SYNDIG1L: variants seen among roughly 807,000 people sequenced by gnomAD.
The protein encoded by SYNDIG1L is synapse differentiation-inducing gene protein 1-like.
Under a neutral mutation model 20.1 loss-of-function variants are expected in SYNDIG1L, and 13 were observed. The observed-to-expected ratio is 0.65, with a 90% CI of 0.42 to 1.03. The LOEUF is 1.03. SYNDIG1L is among the 50% of genes least tolerant of loss of function. The pLI, the probability that SYNDIG1L is intolerant of heterozygous loss-of-function variation, is 0.00. For missense variants in SYNDIG1L, 294 were observed against 305.1 expected (o/e 0.96, Z 0.27); for synonymous variants, 128 against 129.3 (o/e 0.99, Z 0.07).
At chr14:74,461,181 C>T in the SYNDIG1L span, among the ~76,000 whole-genome samples, 1 of 150,812 alleles carries the variant, frequency 6.6e-6, no homozygotes, top group African/African-American at 2.4e-5. Flanking sequence ...CTTCTGATCT[C>T]AGGTGATCTG....
chr14:74,409,019 A>G (rs1257777595), intron 2 of SYNDIG1L, among the ~76,000 whole-genome samples: 4 of 151,880 alleles, frequency 2.6e-5, no homozygotes, highest in Non-Finnish European at 5.9e-5. Flanking sequence ...AGATCTCGAT[A>G]TCTGGTGATG....
chr14:74,440,724 T>C, the SYNDIG1L span, among the ~76,000 whole-genome samples: 4 of 151,912 alleles, frequency 2.6e-5, no homozygotes, highest in Admixed American at 6.6e-5. Flanking sequence ...TCTAAACATA[T>C]AGAATACCTC....
the SYNDIG1L span, chr14:74,476,664 A>C: frequency 7.6e-6 from 9 of 1,185,512 alleles, no homozygotes; most frequent in South Asian, 1.4e-5. Flanking sequence ...ACTCACCCAC[A>C]TTGCCCACCC....
chr14:74,423,204 G>A (rs997932659), intron 1 of SYNDIG1L, among the ~76,000 whole-genome samples: 13 of 152,078 alleles, frequency 8.5e-5, no homozygotes, highest in East Asian at 1.9e-4. Flanking sequence ...AGTTTTCCCC[G>A]GTCAGGAGAG....
At chr14:74,430,979 C>T (rs1387876766), upstream of SYNDIG1L, among the ~76,000 whole-genome samples, 1 of 152,120 alleles carries the variant, frequency 6.6e-6, no homozygotes, top group Non-Finnish European at 1.5e-5. Flanking sequence ...AAAAAATAGT[C>T]AGAGATCAAT....
the SYNDIG1L span, among the ~76,000 whole-genome samples, chr14:74,461,703 T>C: frequency 6.6e-6 from 1 of 151,842 alleles, no homozygotes; most frequent in Non-Finnish European, 1.5e-5. Context: ...CCTCATATCC[T>C]TATCTCAGTC....
At chr14:74,425,298 C>T (rs2086255857) in intron 1 of SYNDIG1L, among the ~76,000 whole-genome samples, 1 of 152,230 alleles carries the variant, frequency 6.6e-6, no homozygotes, top group Admixed American at 6.5e-5. Context: ...AGATGTGATG[C>T]AAATCCTGCC....
At position 74,426,033 on chromosome 14, in the gene SYNDIG1L, C is replaced by A. The variant is rs756272105; in HGVS notation, c.-179G>T. 32 of 152,438 alleles carry A rather than the reference C, an allele frequency of 2.1e-4. No homozygotes were observed. The highest frequency in any genetic ancestry group is 4.0e-4 in the Non-Finnish European group (27 of 67,814). The allele number at this position is 152,438 out of a possible 1,614,324, so 9.4% of individuals were successfully genotyped here. On this transcript the variant is annotated 5_prime_UTR_variant, in exon 1 of 4. Transcript: ENST00000331628. ...ACTCCCAGGAGGGCTCCCCTGCTCT[C>A]GTCCCCGCGTCCCTGAGCAGCCGCC...
intron 1 of SYNDIG1L, among the ~76,000 whole-genome samples, chr14:74,422,500 C>G (rs543699327): frequency 2.0e-4 from 30 of 152,006 alleles, no homozygotes; most frequent in African/African-American, 6.8e-4. Flanking sequence ...AGCTGGAAGC[C>G]CCTCTAGGAT....
chr14:74,437,511 A>G, the SYNDIG1L span, among the ~76,000 whole-genome samples: 1 of 152,210 alleles, frequency 6.6e-6, no homozygotes, highest in African/African-American at 2.4e-5. Flanking sequence ...ACAACACAGA[A>G]CATGCAAGAA....
intron 1 of SYNDIG1L, among the ~76,000 whole-genome samples, chr14:74,413,207 C>T (rs2086146429): frequency 6.6e-6 from 1 of 152,212 alleles, no homozygotes. Flanking sequence ...GCTGAGCCTC[C>T]GCAATCCCAG....
chr14:74,449,301 A>G, the SYNDIG1L span, among the ~76,000 whole-genome samples: 1 of 151,740 alleles, frequency 6.6e-6, no homozygotes, highest in South Asian at 2.1e-4. Flanking sequence ...AATAAAACAC[A>G]TCAAAAGTTG....
Position 74,407,349 on chromosome 14 carries a change from T to TGGGAGGAGC in SYNDIG1L, c.*185_*186insGCTCCTCCC. ...GGCGCCCCGGGCCCTGCTCTGGGGCTGGGAGCAGCGGGCAAGCAGAAGTGA... is the reference window on the plus strand; with the variant it reads ...GGCGCCCCGGGCCCTGCTCTGGGGCTGGGAGGAGCGGGAGCAGCGGGCAAGCAGAAGTGA... On this transcript the variant is annotated 3_prime_UTR_variant, in exon 4 of 4. Transcript: ENST00000331628. 1 of 832,442 alleles carries TGGGAGGAGC rather than the reference T, an allele frequency of 1.2e-6. No homozygotes were observed. The highest frequency in any genetic ancestry group is 1.8e-6 in the Non-Finnish European group (1 of 546,396). The allele number at this position is 832,442 out of a possible 1,614,324, so 51.6% of individuals were successfully genotyped here.
At chr14:74,478,486 G>T in the SYNDIG1L span, among the ~76,000 whole-genome samples, 1 of 152,174 alleles carries the variant, frequency 6.6e-6, no homozygotes, top group South Asian at 2.1e-4. Flanking sequence ...CCTGAAGTAG[G>T]CACTGTTCCT....
At chr14:74,413,034 C>T (rs1430990858) in intron 1 of SYNDIG1L, among the ~76,000 whole-genome samples, 1 of 152,198 alleles carries the variant, frequency 6.6e-6, no homozygotes, top group South Asian at 2.1e-4. Context: ...AGGAGGACTG[C>T]CCTCCTGTCT....
the SYNDIG1L span, among the ~76,000 whole-genome samples, chr14:74,449,061 G>A: frequency 5.1e-4 from 78 of 151,834 alleles, no homozygotes; most frequent in African/African-American, 1.7e-3. Flanking sequence ...GTGAGATCTC[G>A]TCTCTATAAG....
At chr14:74,454,809 C>T in the SYNDIG1L span, among the ~76,000 whole-genome samples, 2 of 152,206 alleles carry the variant, frequency 1.3e-5, no homozygotes, top group Non-Finnish European at 2.9e-5. Flanking sequence ...GTTTTTCCCA[C>T]CATTCTGATC....
At chr14:74,439,534 A>G in the SYNDIG1L span, among the ~76,000 whole-genome samples, 1 of 152,156 alleles carries the variant, frequency 6.6e-6, no homozygotes, top group Non-Finnish European at 1.5e-5. Flanking sequence ...TTAGTTAACT[A>G]TGCTGTGAAA....
At chr14:74,412,956 G>A (rs2086144000) in intron 1 of SYNDIG1L, among the ~76,000 whole-genome samples, 1 of 152,062 alleles carries the variant, frequency 6.6e-6, no homozygotes, top group African/African-American at 2.4e-5. Context: ...GGTGGGAGTG[G>A]GCAGCCCCAG....
Sources: gnomAD v4.1 joint callset for allele counts (sites outside exome capture counted in the v4.1 genomes callset) on GRCh38, gnomAD v4.1.1 for gene constraint, MANE v1.5 for transcripts, NCBI Gene and HGNC (gene_info 2026-07-23, HGNC 2026-07-21) for gene names.